IQGAP2: variants seen among roughly 807,000 people sequenced by gnomAD.
The protein encoded by IQGAP2 is ras GTPase-activating-like protein IQGAP2.
Under a neutral mutation model 201.3 loss-of-function variants are expected in IQGAP2, and 173 were observed. The observed-to-expected ratio is 0.86, with a 90% CI of 0.76 to 0.98. IQGAP2 has a LOEUF of 0.98. Among genes scored for constraint, IQGAP2 ranks in the 50% least tolerant of loss-of-function variants. IQGAP2 has a pLI of 0.00. For synonymous variants in IQGAP2, 675 were observed against 673.9 expected, an observed-to-expected ratio of 1.00 and a Z score of -0.03; for missense variants, 1,687 against 1,864.8, an observed-to-expected ratio of 0.90 and a Z score of 1.76.
intron 1 of IQGAP2, among the ~76,000 whole-genome samples, chr5:76,432,128 C>CTTTCTTTT (rs1752404712): frequency 1.0e-5 from 1 of 95,300 alleles, no homozygotes; most frequent in Non-Finnish European, 2.0e-5. Context: ...TTTCTTTCTT[C>CTTTCTTTT]TTTTTTTTTT....
At chr5:76,578,597 C>T (rs905085897) in intron 5 of IQGAP2, among the ~76,000 whole-genome samples, 10 of 152,184 alleles carry the variant, frequency 6.6e-5, no homozygotes, top group Non-Finnish European at 1.5e-4. Flanking sequence ...CAGGCATCAG[C>T]CACCACGCCC....
chr5:76,579,012 A>G (rs1745657555), intron 5 of IQGAP2, among the ~76,000 whole-genome samples: 1 of 152,146 alleles, frequency 6.6e-6, no homozygotes, highest in Non-Finnish European at 1.5e-5. Flanking sequence ...ATGATATTAA[A>G]CAACTGTTAC....
chr5:76,528,315 T>A (rs917018181), intron 2 of IQGAP2, among the ~76,000 whole-genome samples: 1 of 151,740 alleles, frequency 6.6e-6, no homozygotes, highest in Non-Finnish European at 1.5e-5. Context: ...ATATTACTTG[T>A]TTTTCCAGCA....
At chr5:76,665,289 C>T (rs1743651871) in intron 22 of IQGAP2, 114 bp downstream of exon 22, 1 of 871,582 alleles carries the variant, frequency 1.1e-6, no homozygotes, top group African/African-American at 1.7e-5. Context: ...ATGTTTTGAG[C>T]ATCTACTAAG....
At chr5:76,499,819 A>G (rs1317671531) in intron 2 of IQGAP2, among the ~76,000 whole-genome samples, 2 of 152,138 alleles carry the variant, frequency 1.3e-5, no homozygotes, top group African/African-American at 4.8e-5. Flanking sequence ...TTAAAAAAAA[A>G]TCCTGCTGGG....
At chr5:76,598,669 C>A (rs931358151) in intron 10 of IQGAP2, among the ~76,000 whole-genome samples, 3 of 152,026 alleles carry the variant, frequency 2.0e-5, no homozygotes, top group African/African-American at 7.2e-5. Context: ...AGATCAAAAG[C>A]CCATGATGCT....
chr5:76,677,917 C>T (rs115894903), intron 28 of IQGAP2, among the ~76,000 whole-genome samples: 18,275 of 151,924 alleles, frequency 0.12, 1,143 homozygotes, highest in Middle Eastern at 0.21. Context: ...GGCAACAGAG[C>T]GAGACCCTAC....
At chr5:76,586,349 A>T (rs1746244284) in intron 5 of IQGAP2, among the ~76,000 whole-genome samples, 1 of 135,288 alleles carries the variant, frequency 7.4e-6, no homozygotes, top group Non-Finnish European at 1.6e-5. Context: ...CACATATGGT[A>T]AAAAAAAAAA....
intron 32 of IQGAP2, among the ~76,000 whole-genome samples, 156 bp downstream of exon 32, chr5:76,695,822 A>G (rs1746678934): frequency 1.3e-5 from 2 of 148,582 alleles, no homozygotes; most frequent in Admixed American, 6.7e-5. Flanking sequence ...CAAGGTTTCA[A>G]AGCAGTTGAT....
At chr5:76,654,308 T>C (rs1561554727) in intron 19 of IQGAP2, 37 bp downstream of exon 19, 2 of 1,326,694 alleles carry the variant, frequency 1.5e-6, no homozygotes, top group Admixed American at 1.8e-5. Context: ...TCCAGGTTGA[T>C]AATGACCTAA....
At chr5:76,671,200 G>A (rs1439654621) in intron 23 of IQGAP2, among the ~76,000 whole-genome samples, 1 of 152,164 alleles carries the variant, frequency 6.6e-6, no homozygotes, top group East Asian at 1.9e-4. Context: ...GGAGGAGGTT[G>A]CAGTGAGCCA....
chr5:76,599,086 A>G (rs1447867028), intron 10 of IQGAP2, among the ~76,000 whole-genome samples: 3 of 152,120 alleles, frequency 2.0e-5, no homozygotes, highest in Non-Finnish European at 2.9e-5. Flanking sequence ...CTTGCTTACT[A>G]AGACTTCTGT....
chr5:76,435,041 A>G (rs1349317381), intron 1 of IQGAP2, among the ~76,000 whole-genome samples: 2 of 147,096 alleles, frequency 1.4e-5, no homozygotes, highest in African/African-American at 2.6e-5. Context: ...TCATTTTTTG[A>G]TGGGATTCTT....
chr5:76,558,164 C>T (rs1008538593), intron 2 of IQGAP2, among the ~76,000 whole-genome samples: 2 of 152,140 alleles, frequency 1.3e-5, no homozygotes, highest in African/African-American at 4.8e-5. Context: ...AATGTGATTA[C>T]CTCTTTTTAA....
chr5:76,612,400 G>A (rs1748485173), intron 13 of IQGAP2, among the ~76,000 whole-genome samples: 1 of 152,084 alleles, frequency 6.6e-6, no homozygotes, highest in African/African-American at 2.4e-5. Flanking sequence ...GGAGGTTGAG[G>A]GACAAGAATC....
In IQGAP2 at chr5:76,618,534, C is replaced by T. The variant is rs746928505; in HGVS notation, c.1521+7351C>T. On this transcript the variant is annotated intron_variant, in intron 13 of 35. Coordinates refer to ENST00000274364, the MANE Select transcript of IQGAP2 (RefSeq NM_006633.5). ...TACAGTAATCGTGGCTCCTGTCCAGCCTTCCAAGGCAGAAAAGGGGAACTC... is the reference window on the plus strand; with the variant it reads ...TACAGTAATCGTGGCTCCTGTCCAGTCTTCCAAGGCAGAAAAGGGGAACTC... The T allele has an allele frequency of 6.4e-5, 104 of 1,614,018 alleles. No homozygotes were observed. Among genetic ancestry groups the T allele is most frequent in the African/African-American group, 5.6e-4 (42 of 74,904 alleles).
intron 1 of IQGAP2, among the ~76,000 whole-genome samples, chr5:76,411,221 T>G (rs1284364391): frequency 6.6e-6 from 1 of 152,170 alleles, no homozygotes; most frequent in African/African-American, 2.4e-5. Flanking sequence ...CTCTTCACAG[T>G]GCTTGCAGGT....
chr5:76,492,855 G>A (rs1756641484), intron 2 of IQGAP2, among the ~76,000 whole-genome samples: 1 of 152,090 alleles, frequency 6.6e-6, no homozygotes, highest in African/African-American at 2.4e-5. Flanking sequence ...GAGGAGAAAG[G>A]GGCATGAAAA....
chr5:76,452,244 T>C (rs1008248375), intron 1 of IQGAP2, among the ~76,000 whole-genome samples: 5 of 150,668 alleles, frequency 3.3e-5, no homozygotes, highest in African/African-American at 1.2e-4. Context: ...TTTTTTTTTT[T>C]GTTTGTTTTT....
Sources: allele counts gnomAD v4.1 joint callset (sites outside exome capture counted in the v4.1 genomes callset), GRCh38; gene constraint gnomAD v4.1.1; transcripts MANE v1.5; gene names NCBI Gene and HGNC (gene_info 2026-07-23, HGNC 2026-07-21).